KATNAL2: variants seen among roughly 807,000 people sequenced by gnomAD.
KATNAL2 encodes the protein katanin catalytic subunit A1 like 2, also known as katanin p60 ATPase-containing subunit A-like 2.
Under a neutral mutation model 76.3 loss-of-function variants are expected in KATNAL2, and 52 were observed. The ratio of observed to expected loss-of-function variants is 0.68; its 90% CI spans 0.55 to 0.86. The LOEUF is 0.86. Ranked by LOEUF, KATNAL2 falls within the 40% of genes least tolerant of loss-of-function variation. KATNAL2 has a pLI of 0.00. For missense variants in KATNAL2, 660 were observed against 668.9 expected, an observed-to-expected ratio of 0.99 and a Z score of 0.15; for synonymous variants, 243 against 244.2, an observed-to-expected ratio of 1.00 and a Z score of 0.05.
chr18:46,955,891 T>G (rs1293118329), intron 3 of KATNAL2, among the ~76,000 whole-genome samples: 1 of 152,164 alleles, frequency 6.6e-6, no homozygotes, highest in Non-Finnish European at 1.5e-5. Flanking sequence ...ATCATTTTAA[T>G]AAGGCTTTGG....
intron 10 of KATNAL2, among the ~76,000 whole-genome samples, chr18:47,066,551 GA>G (rs1022771470): frequency 6.6e-6 from 1 of 152,140 alleles, no homozygotes; most frequent in African/African-American, 2.4e-5. Flanking sequence ...AACAAATTAA[GA>G]AAGTGTTTGT....
intron 1 of KATNAL2, among the ~76,000 whole-genome samples, chr18:46,934,125 T>C (rs1186729017): frequency 6.6e-6 from 1 of 152,138 alleles, no homozygotes; most frequent in Non-Finnish European, 1.5e-5. Flanking sequence ...CGTGTGTCTT[T>C]ATAGCAGCAT....
At chr18:47,092,275 G>C (rs1006774516) in intron 15 of KATNAL2, among the ~76,000 whole-genome samples, 5 of 152,248 alleles carry the variant, frequency 3.3e-5, no homozygotes, top group African/African-American at 1.2e-4. Flanking sequence ...GAGGCAAGCA[G>C]ATCACTTGAG....
At chr18:46,967,303 C>G (rs1301769788) in intron 3 of KATNAL2, among the ~76,000 whole-genome samples, 1 of 119,814 alleles carries the variant, frequency 8.3e-6, no homozygotes, top group Non-Finnish European at 1.9e-5. Flanking sequence ...GCACCGGCAT[C>G]CACTCAGGTG....
chr18:46,956,508 TACCAA>T (rs1318340399), intron 3 of KATNAL2, among the ~76,000 whole-genome samples: 3 of 152,180 alleles, frequency 2.0e-5, no homozygotes, highest in African/African-American at 7.2e-5. Context: ...CCAGCCCCTT[TACCAA>T]TTTAATAAAG....
intron 15 of KATNAL2, among the ~76,000 whole-genome samples, chr18:47,082,448 C>T (rs577108123): frequency 1.3e-5 from 2 of 152,232 alleles, no homozygotes; most frequent in African/African-American, 4.8e-5. Context: ...TAGAGATAAG[C>T]TGACACATAT....
chr18:47,062,226 T>A (rs909874854), intron 8 of KATNAL2, among the ~76,000 whole-genome samples: 25 of 151,882 alleles, frequency 1.6e-4, no homozygotes, highest in East Asian at 3.9e-4. Context: ...GCAAAAAAAA[T>A]TTTTTTAATT....
chr18:46,957,265 T>C (rs1296018506), intron 3 of KATNAL2, among the ~76,000 whole-genome samples: 1 of 144,920 alleles, frequency 6.9e-6, no homozygotes, highest in Non-Finnish European at 1.5e-5. Flanking sequence ...TTTTTTTTTT[T>C]TTTTTTTTGA....
intron 3 of KATNAL2, among the ~76,000 whole-genome samples, chr18:46,948,008 C>CG (rs1263945592): frequency 5.9e-5 from 9 of 152,172 alleles, no homozygotes; most frequent in Non-Finnish European, 7.3e-5. Context: ...CAGAAACCCC[C>CG]GGGATGATTT....
chr18:46,952,104 CAA>C (rs1176364014), intron 3 of KATNAL2, among the ~76,000 whole-genome samples: 1 of 151,992 alleles, frequency 6.6e-6, no homozygotes, highest in Non-Finnish European at 1.5e-5. Context: ...TAGAGACAGA[CAA>C]AGTCTCTCCC....
chr18:46,920,909 C>G (rs1272795584), intron 1 of KATNAL2, among the ~76,000 whole-genome samples: 3 of 152,152 alleles, frequency 2.0e-5, no homozygotes, highest in Non-Finnish European at 4.4e-5. Flanking sequence ...AGTACCAGTG[C>G]CAGCCACATG....
intron 4 of KATNAL2, among the ~76,000 whole-genome samples, chr18:47,050,083 G>A (rs530109542): frequency 3.9e-5 from 6 of 152,130 alleles, no homozygotes; most frequent in Non-Finnish European, 7.4e-5. Context: ...TTTATCTGTT[G>A]CCCAGGCTGG....
intron 1 of KATNAL2, among the ~76,000 whole-genome samples, chr18:46,934,144 G>A (rs918674534): frequency 1.4e-4 from 21 of 152,098 alleles, no homozygotes; most frequent in Middle Eastern, 3.4e-3. Context: ...ATGATTTATA[G>A]TCCTTTGGGT....
intron 1 of KATNAL2, among the ~76,000 whole-genome samples, chr18:46,926,147 T>C (rs1245423606): frequency 1.3e-5 from 2 of 152,212 alleles, no homozygotes; most frequent in African/African-American, 2.4e-5. Flanking sequence ...TGTTTGCTCT[T>C]GCTTTTCTAG....
At chr18:46,919,024 TG>T (rs2058343785) in intron 1 of KATNAL2, among the ~76,000 whole-genome samples, 2 of 151,816 alleles carry the variant, frequency 1.3e-5, no homozygotes, top group Admixed American at 1.3e-4. Flanking sequence ...TGTGTGTGTG[TG>T]TGTGTGTTGT....
intron 3 of KATNAL2, among the ~76,000 whole-genome samples, chr18:46,959,875 A>C (rs1264788560): frequency 1.3e-5 from 2 of 152,172 alleles, no homozygotes; most frequent in Non-Finnish European, 2.9e-5. Flanking sequence ...ACGCCTGGCC[A>C]GGTTTTAATT....
chr18:46,952,627 C>T (rs2059597765), intron 3 of KATNAL2, among the ~76,000 whole-genome samples: 1 of 151,986 alleles, frequency 6.6e-6, no homozygotes, highest in South Asian at 2.1e-4. Flanking sequence ...TCTCGAACTC[C>T]TGACCTCATG....
intron 15 of KATNAL2, among the ~76,000 whole-genome samples, chr18:47,097,758 G>A (rs138339991): frequency 6.6e-6 from 1 of 152,312 alleles, no homozygotes; most frequent in East Asian, 1.9e-4. Context: ...AAGCTCAGGG[G>A]TACATGTGCA....
In KATNAL2 at chr18:47,033,073, G is replaced by A. The variant is rs777545546; in HGVS notation, c.52-13384G>A. The A allele has an allele frequency of 1.4e-5, 22 of 1,614,144 alleles. No individual in the cohort carries two copies. The East Asian group carries it at 4.7e-4, about 34-fold the overall frequency. ...CATCAGCGGGGCCACTTTCTTGGCA[G>A]CCTGTTTCCGGGTTTTGGCCGCGGG... On this transcript the variant is annotated intron_variant, in intron 3 of 17. Coordinates refer to ENST00000683218, the MANE Select transcript of KATNAL2 (RefSeq NM_001387690.1).
Sources: gnomAD v4.1 joint callset for allele counts (sites outside exome capture counted in the v4.1 genomes callset) on GRCh38, gnomAD v4.1.1 for gene constraint, MANE v1.5 for transcripts, NCBI Gene and HGNC (gene_info 2026-07-23, HGNC 2026-07-21) for gene names.